Variants in CPLANE1 observed in about 807,000 individuals in gnomAD.
The protein encoded by CPLANE1 is ciliogenesis and planar polarity effector 1.
A neutral mutation model predicts 362.5 loss-of-function variants in CPLANE1; 263 were observed. The observed-to-expected ratio is 0.73, with a 90% CI of 0.66 to 0.80. The LOEUF is 0.80. CPLANE1 is among the 30% of genes least tolerant of loss of function. The pLI is 0.00. For synonymous variants in CPLANE1, 1,212 were observed against 1,302.6 expected (o/e 0.93, Z 1.50); for missense variants, 3,461 against 3,793.4 (o/e 0.91, Z 2.30).
the CPLANE1 span, among the ~76,000 whole-genome samples, chr5:37,077,560 T>C: frequency 6.6e-6 from 1 of 150,428 alleles, no homozygotes; most frequent in Non-Finnish European, 1.5e-5. Flanking sequence ...GAATAAAAAA[T>C]ATTTATGAAT....
In CPLANE1 at chr5:37,183,330, A is replaced by T. The variant is rs1783165447; in HGVS notation, c.4851T>A (p.Ser1617=). ...TKSQNVFRAG[S]CFVVAPESYE... ...AGGACTCAGGAGCAACAACAAAGCA[A>T]GAACCAGCTCTAAACACATTCTGGC... The change falls in exon 26 of 53, where the codon TCT becomes TCA. Residue 1617 remains serine (S), a synonymous_variant. Transcript: ENST00000651892. 7 of 1,613,206 alleles carry T rather than the reference A, an allele frequency of 4.3e-6. No homozygotes were observed. Among genetic ancestry groups the T allele is most frequent in the Non-Finnish European group, 5.1e-6 (6 of 1,179,752 alleles).
intron 8 of CPLANE1, 41 bp downstream of exon 8, chr5:37,238,816 A>C (rs542366603): frequency 8.3e-7 from 1 of 1,205,628 alleles, no homozygotes; most frequent in South Asian, 1.6e-5. Flanking sequence ...ATCTCTTTTA[A>C]AAGAAAAAAA....
intron 20 of CPLANE1, 54 bp from the exon 21 acceptor site, chr5:37,196,050 T>C (rs1787321409): frequency 1.4e-6 from 2 of 1,429,582 alleles, no homozygotes; most frequent in Non-Finnish European, 1.9e-6. Flanking sequence ...AAATCACTTT[T>C]AAAAGAAACT....
rs372376791 is a variant in CPLANE1 at position 37,180,851 on chromosome 5, A to G, written c.5570+6T>C. ...ATTGAAAAGAAGAGTATAATCGGCA[A>G]CTTACTTCAAGATATTTTGACAAGA... On this transcript the variant is annotated splice_donor_region_variant and intron_variant, in intron 27 of 52. Coordinates refer to ENST00000651892, the MANE Select transcript of CPLANE1 (RefSeq NM_001384732.1). 1.9e-6 allele frequency: 3 copies of G among 1,613,418 alleles called. No individual in the cohort carries two copies. The African/African-American group carries it at 4.0e-5, about 22-fold the overall frequency.
chr5:37,107,196 T>A lies in CPLANE1; in HGVS notation c.*406A>T, dbSNP rs1757790013. 6 of 987,890 alleles carry A rather than the reference T, an allele frequency of 6.1e-6. No homozygotes were observed. The South Asian group carries it at 2.3e-4, about 39-fold the overall frequency. 61.2% of individuals were successfully genotyped at this position (987,890 alleles called of 1,614,324 possible). A position where few individuals can be genotyped will look rare whatever the true frequency, so the allele number is the denominator to read the frequency against. On this transcript the variant is annotated 3_prime_UTR_variant, in exon 53 of 53. Transcript: ENST00000651892. Reference sequence around the variant, plus strand: ...AGTTCTCAGGTGAGACTGATTTTCTTCTCAATGAAAAGATTTTTTTTTTTC... The same window carrying A: ...AGTTCTCAGGTGAGACTGATTTTCTACTCAATGAAAAGATTTTTTTTTTTC...
downstream of CPLANE1, among the ~76,000 whole-genome samples, chr5:37,103,422 T>C (rs889054850): frequency 4.6e-5 from 7 of 152,214 alleles, no homozygotes; most frequent in African/African-American, 1.4e-4. Context: ...TGCTAACTGG[T>C]TATTTTGCAG....
Position 37,107,627 on chromosome 5 carries a change from G to C in CPLANE1, c.9731C>G (p.Ser3244Cys), listed in dbSNP as rs781448726. Residue 3244 changes from serine (S) to cysteine (C), a missense_variant, in exon 53 of 53, where the codon TCT becomes TGT. Ser to Cys is a moderately radical substitution (Grantham distance 112, BLOSUM62 -1). Around this residue, in one of 2 missense-constraint regions of CPLANE1, gnomAD observed 81 missense variants for 127.3 expected, o/e 0.64. Coordinates refer to ENST00000651892, the MANE Select transcript of CPLANE1 (RefSeq NM_001384732.1). Reference protein sequence around the residue: ...MVASVEDQGLSVHWALDL With the variant: ...MVASVEDQGLCVHWALDL ...TTACAGGTCCAGGGCCCAGTGGACA[G>C]ACAGGCCCTGGTCCTCCACGCTGGC... 1 of 1,610,820 alleles carries C rather than the reference G, an allele frequency of 6.2e-7. No individual in the cohort carries two copies. The highest frequency in any genetic ancestry group is 1.7e-5 in the Admixed American group (1 of 59,876).
chr5:37,077,975 A>G, the CPLANE1 span, among the ~76,000 whole-genome samples: 1 of 149,222 alleles, frequency 6.7e-6, no homozygotes, highest in African/African-American at 2.5e-5. Flanking sequence ...CTGGTCTCAA[A>G]CTCCTGGGCT....
chr5:37,108,464 A>T lies in CPLANE1; in HGVS notation c.9408T>A (p.Asn3136Lys), dbSNP rs538381493. ...QSPVTFQKGS[N>K]APCHSLQHTK... is the part of the protein sequence containing the mutation. The stretch of plus-strand genomic sequence containing the variant: ...TATGCTGCAGACTATGACACGGAGC[A>T]TTAGAGCCTTTTAAGGGATAAGAAC... The change falls in exon 52 of 53, where the codon AAT becomes AAA. Residue 3136 changes from asparagine to lysine, a missense_variant. By Grantham distance (94) the Asn-to-Lys change is moderately conservative. This residue lies in a region of CPLANE1 where 3,380 missense variants were observed against 3,666.1 expected (regional missense o/e 0.92). Transcript: ENST00000651892. 2 of 1,612,458 alleles carry T rather than the reference A, an allele frequency of 1.2e-6. No individual in the cohort carries two copies. The highest frequency in any genetic ancestry group is 1.7e-5 in the Admixed American group (1 of 59,368).
chr5:37,153,498 G>A (rs1308621183), intron 42 of CPLANE1, among the ~76,000 whole-genome samples: 2 of 152,182 alleles, frequency 1.3e-5, no homozygotes, highest in Non-Finnish European at 2.9e-5. Flanking sequence ...CTAGGGAGCA[G>A]TGCCACTGGA....
Position 37,208,633 on chromosome 5 carries a change from C to T in CPLANE1, c.2921-2208G>A, listed in dbSNP as rs192871557. Among the ~76,000 whole-genome samples, 1,390 of 150,722 alleles carry T rather than the reference C, an allele frequency of 9.2e-3. 8 individuals carry two copies. The highest frequency in any genetic ancestry group is 0.014 in the Non-Finnish European group (955 of 67,736). On this transcript the variant is annotated intron_variant, in intron 16 of 52. Transcript: ENST00000651892. ...CGGAGCTTGCAGTGAGCCGAGACTG[C>T]GCCACTGCACTCCAGCCTGGGCGAT...
chr5:37,149,189 TGG>T (rs1480687573), intron 42 of CPLANE1, among the ~76,000 whole-genome samples: 8 of 152,242 alleles, frequency 5.3e-5, no homozygotes, highest in African/African-American at 1.9e-4. Flanking sequence ...AGACGCCCAG[TGG>T]ATGCCTGAAA....
chr5:37,206,381 T>G lies in CPLANE1; in HGVS notation c.2965A>C (p.Ser989Arg), dbSNP rs1462822702. 6.4e-7 allele frequency: 1 copy of G among 1,551,728 alleles called. No homozygotes were observed. Among genetic ancestry groups the G allele is most frequent in the Non-Finnish European group, 8.7e-7 (1 of 1,146,960 alleles). Residue 989 changes from serine (S) to arginine (R), a missense_variant, in exon 17 of 53, where the codon AGT becomes CGT. Transcript: ENST00000651892. ...LIPLQHSKVA[S>R]VVRDQNLSNV... ...GAGAGATTCTGATCTCTAACAACAC[T>G]GGCCACCTTAGAGTGTTGCAGAGGA...
intron 21 of CPLANE1, among the ~76,000 whole-genome samples, chr5:37,194,214 G>A (rs887587941): frequency 2.6e-5 from 4 of 151,976 alleles, no homozygotes; most frequent in Admixed American, 6.6e-5. Flanking sequence ...GAGCCACCAC[G>A]CCCAGCCAGA....
Position 37,170,035 on chromosome 5 carries a change from C to T in CPLANE1, c.6462+6G>A, listed in dbSNP as rs760455461. 4 of 1,612,422 alleles carry T rather than the reference C, an allele frequency of 2.5e-6. No homozygotes were observed. In the South Asian group the frequency reaches 4.4e-5, roughly 18 times the overall value. ...CAGCCATTAATGGTATTTTTACATA[C>T]ATTACCTGTACGTTTCCAGTACTAT... On this transcript the variant is annotated splice_donor_region_variant and intron_variant, in intron 33 of 52. Transcript: ENST00000651892.
intron 7 of CPLANE1, among the ~76,000 whole-genome samples, chr5:37,239,428 C>T (rs1300683650): frequency 6.6e-6 from 1 of 151,584 alleles, no homozygotes; most frequent in Non-Finnish European, 1.5e-5. Flanking sequence ...CAAAAAAATA[C>T]AAAAATTAGC....
intron 8 of CPLANE1, among the ~76,000 whole-genome samples, chr5:37,237,828 T>G (rs1419802665): frequency 1.3e-5 from 2 of 150,900 alleles, no homozygotes; most frequent in Non-Finnish European, 1.5e-5. Flanking sequence ...CCAGCCTGGG[T>G]GACAGAGTGA....
Position 37,165,600 on chromosome 5 carries a change from G to T in CPLANE1, c.7472C>A (p.Thr2491Asn). 1 of 1,611,404 alleles carries T rather than the reference G, an allele frequency of 6.2e-7. No homozygotes were observed. Among genetic ancestry groups the T allele is most frequent in the Non-Finnish European group, 8.5e-7 (1 of 1,179,198 alleles). Reference sequence around the variant, plus strand: ...AATTATGGAATTCTCTGGTCGAAAAGTCACATTTGGTTTTCTCCTCAGTTT... The same window carrying T: ...AATTATGGAATTCTCTGGTCGAAAATTCACATTTGGTTTTCTCCTCAGTTT... ...CEKLRRKPNV[T>N]FRPENSIINN... Residue 2491 changes from threonine to asparagine, a missense_variant, in exon 36 of 53, where the codon ACT becomes AAT. By Grantham distance (65) the Thr-to-Asn change is moderately conservative. Coordinates refer to ENST00000651892, the MANE Select transcript of CPLANE1 (RefSeq NM_001384732.1).
intron 43 of CPLANE1, among the ~76,000 whole-genome samples, chr5:37,147,450 C>A (rs187951352): frequency 6.6e-6 from 1 of 152,186 alleles, no homozygotes; most frequent in African/African-American, 2.4e-5. Context: ...ACCTGAACAC[C>A]ACCAGATGAT....
Sources: allele counts gnomAD v4.1 joint callset (sites outside exome capture counted in the v4.1 genomes callset), GRCh38; gene constraint gnomAD v4.1.1; regional missense constraint gnomAD v4.1.1; transcripts MANE v1.5; gene names NCBI Gene and HGNC (gene_info 2026-07-23, HGNC 2026-07-21).